STARD13: variants seen among roughly 807,000 people sequenced by gnomAD.
The protein encoded by STARD13 is stAR-related lipid transfer protein 13.
In STARD13, 62 loss-of-function variants were observed where a neutral mutation model predicts 106.4. That is an observed-to-expected ratio of 0.58 (90% confidence interval 0.48 to 0.72). The LOEUF is 0.72. Ranked by LOEUF, STARD13 falls within the 30% of genes least tolerant of loss-of-function variation. STARD13 has a pLI of 0.00. For missense variants in STARD13, 1,387 were observed against 1,424.0 expected (o/e 0.97, Z 0.42); for synonymous variants, 565 against 553.0 (o/e 1.02, Z -0.31).
At chr13:33,128,827 A>G in intron 5 of STARD13, 102 bp downstream of exon 5, 1 of 1,187,772 alleles carries the variant, frequency 8.4e-7, no homozygotes, top group Non-Finnish European at 1.2e-6. Context: ...GAACAGAGTC[A>G]GGCATTTAGT....
intron 1 of STARD13, among the ~76,000 whole-genome samples, chr13:33,324,536 G>C (rs943027211): frequency 6.6e-6 from 1 of 152,136 alleles, no homozygotes; most frequent in East Asian, 1.9e-4. Context: ...GAGCTTCAAA[G>C]TCAAGGTAGC....
chr13:33,470,444 T>C, the STARD13 span, among the ~76,000 whole-genome samples: 1 of 152,338 alleles, frequency 6.6e-6, no homozygotes, highest in African/African-American at 2.4e-5. Context: ...TACCCAGTAA[T>C]GGGCTTGCTG....
intron 3 of STARD13, among the ~76,000 whole-genome samples, chr13:33,144,900 C>T (rs530854682): frequency 1.8e-4 from 28 of 152,278 alleles, no homozygotes; most frequent in Middle Eastern, 6.8e-3. Flanking sequence ...TTTTGATCTA[C>T]GACACACACA....
chr13:33,439,645 C>G, the STARD13 span: 4 of 1,114,152 alleles, frequency 3.6e-6, no homozygotes, highest in Non-Finnish European at 4.8e-6. Context: ...GCTCTCCAAA[C>G]AACTTTTATA....
intron 1 of STARD13, among the ~76,000 whole-genome samples, chr13:33,186,682 CA>C (rs1279402368): frequency 1.3e-5 from 2 of 151,976 alleles, no homozygotes; most frequent in Non-Finnish European, 2.9e-5. Flanking sequence ...ATTAATTATC[CA>C]CTTCATTATC....
At position 33,120,770 on chromosome 13, in the gene STARD13, T is replaced by G. The variant is rs73461994; in HGVS notation, c.2083-2507A>C. Among the ~76,000 whole-genome samples, 1,099 of 145,992 alleles carry G rather than the reference T, an allele frequency of 7.5e-3. 17 individuals are homozygous for G. Among genetic ancestry groups the G allele is most frequent in the African/African-American group, 0.025 (1,037 of 41,108 alleles). On this transcript the variant is annotated intron_variant, in intron 7 of 13. Coordinates refer to ENST00000336934, the MANE Select transcript of STARD13 (RefSeq NM_178006.4). The stretch of plus-strand genomic sequence containing the variant: ...GAGCTAACCCTGGAACCGTTCTATT[T>G]CCTGACTTTTTTTTTTTTTGAGACG...
intron 2 of STARD13, 49 bp from the exon 3 acceptor site, chr13:33,165,467 A>G: frequency 8.0e-6 from 11 of 1,377,136 alleles, no homozygotes; most frequent in Non-Finnish European, 1.1e-5. Flanking sequence ...TATCTGAATG[A>G]GCACCAACAT....
At chr13:33,122,849 G>A (rs913386076) in intron 7 of STARD13, among the ~76,000 whole-genome samples, 2 of 152,072 alleles carry the variant, frequency 1.3e-5, no homozygotes, top group African/African-American at 4.8e-5. Context: ...GAGGTCAGGA[G>A]TTCGAGACCA....
In STARD13 at chr13:33,110,049, C is replaced by T. The variant is rs761120821; in HGVS notation, c.2871G>A (p.Val957=). The T allele has an allele frequency of 2.0e-5, 32 of 1,614,222 alleles. No individual in the cohort carries two copies. The highest frequency in any genetic ancestry group is 2.5e-5 in the Non-Finnish European group (30 of 1,180,048). ...GNPLKLWKAS[V]EVEAPPSVVL... The stretch of plus-strand genomic sequence containing the variant: ...CCACTGAGGGGGGTGCTTCCACCTC[C>T]ACAGAAGCCTTCCACAGCTTCAGCG... The change falls in exon 12 of 14, where the codon GTG becomes GTA. Residue 957 remains valine, a synonymous_variant. Transcript: ENST00000336934.
At chr13:33,451,350 GA>G in the STARD13 span, among the ~76,000 whole-genome samples, 7 of 152,164 alleles carry the variant, frequency 4.6e-5, no homozygotes, top group African/African-American at 1.7e-4. Flanking sequence ...TTATAATCTA[GA>G]AGCAACATGA....
At chr13:33,191,480 T>A (rs1394459102) in intron 1 of STARD13, among the ~76,000 whole-genome samples, 1 of 152,148 alleles carries the variant, frequency 6.6e-6, no homozygotes, top group East Asian at 1.9e-4. Context: ...GACATTAATG[T>A]CTCTTTGGAA....
chr13:33,560,538 G>A, the STARD13 span, among the ~76,000 whole-genome samples: 4 of 151,312 alleles, frequency 2.6e-5, no homozygotes, highest in East Asian at 1.9e-4. Flanking sequence ...CTTACATCCC[G>A]TGGGTCACAA....
chr13:33,298,928 A>T (rs892293328), intron 1 of STARD13, among the ~76,000 whole-genome samples: 1 of 152,232 alleles, frequency 6.6e-6, no homozygotes, highest in African/African-American at 2.4e-5. Flanking sequence ...TAGCCTTACA[A>T]TATTTTCTGA....
At chr13:33,487,524 C>G in the STARD13 span, among the ~76,000 whole-genome samples, 3 of 152,054 alleles carry the variant, frequency 2.0e-5, no homozygotes, top group Non-Finnish European at 4.4e-5. Flanking sequence ...GATAAAGGCT[C>G]TAAAAGGAGG....
intron 1 of STARD13, among the ~76,000 whole-genome samples, chr13:33,255,835 G>A (rs1409863805): frequency 6.6e-6 from 1 of 152,204 alleles, no homozygotes; most frequent in Non-Finnish European, 1.5e-5. Context: ...TCTACTCTGA[G>A]TTGAGGAGCT....
chr13:33,192,261 A>T (rs1353149459), intron 1 of STARD13, among the ~76,000 whole-genome samples: 1 of 152,252 alleles, frequency 6.6e-6, no homozygotes, highest in Admixed American at 6.5e-5. Context: ...CTTAGAAGCT[A>T]AAACAGTACA....
chr13:33,436,836 T>A, the STARD13 span, among the ~76,000 whole-genome samples: 1 of 152,182 alleles, frequency 6.6e-6, no homozygotes, highest in South Asian at 2.1e-4. Context: ...TTTACCCCCA[T>A]CAGTGACTGA....
chr13:33,149,422 A>T (rs1367097059), intron 3 of STARD13, among the ~76,000 whole-genome samples: 1 of 152,212 alleles, frequency 6.6e-6, no homozygotes, highest in Non-Finnish European at 1.5e-5. Flanking sequence ...ATTTAAAACA[A>T]TTTCATTTTT....
chr13:33,396,023 A>AT, the STARD13 span, among the ~76,000 whole-genome samples: 7 of 150,958 alleles, frequency 4.6e-5, no homozygotes, highest in South Asian at 2.1e-4. Context: ...TTATTTTTAA[A>AT]TTTTTTTTGG....
Sources: gnomAD v4.1 joint callset for allele counts (sites outside exome capture counted in the v4.1 genomes callset) on GRCh38, gnomAD v4.1.1 for gene constraint, MANE v1.5 for transcripts, NCBI Gene and HGNC (gene_info 2026-07-23, HGNC 2026-07-21) for gene names.